The following KAZN variants were observed in gnomAD, a reference collection of about 807,000 sequenced individuals.
KAZN encodes the protein kazrin.
A neutral mutation model predicts 87.4 loss-of-function variants in KAZN; 40 were observed. The observed-to-expected ratio is 0.46, with a 90% CI of 0.36 to 0.60. KAZN has a LOEUF of 0.60. KAZN is among the 20% of genes least tolerant of loss of function. KAZN has a pLI of 0.00. For missense variants in KAZN, 898 were observed against 1,073.9 expected (o/e 0.84, Z 2.29); for synonymous variants, 466 against 458.3 (o/e 1.02, Z -0.22).
rs1571483090 is a variant in KAZN at position 14,387,251 on chromosome 1, G to C, written c.249+206659G>C. Among the ~76,000 whole-genome samples the C allele has an allele frequency of 4.6e-5, 7 of 152,128 alleles. No individual in the cohort carries two copies. The East Asian group carries it at 1.4e-3, about 30-fold the overall frequency. On this transcript the variant is annotated intron_variant, in intron 2 of 16. Transcript: ENST00000636203. The stretch of plus-strand genomic sequence containing the variant: ...CAAAGTTTTCAACTTCTTTGCCCTT[G>C]GTTTGAATGTCCTCCCGTAGGTCAG...
At chr1:14,338,532 A>G (rs1029124955) in intron 2 of KAZN, among the ~76,000 whole-genome samples, 6 of 151,558 alleles carry the variant, frequency 4.0e-5, no homozygotes, top group African/African-American at 1.5e-4. Flanking sequence ...GAGAGAGAGA[A>G]AAGAAAACAT....
At chr1:14,051,554 A>G (rs1339565228) in intron 1 of KAZN, among the ~76,000 whole-genome samples, 1 of 152,234 alleles carries the variant, frequency 6.6e-6, no homozygotes, top group East Asian at 1.9e-4. Flanking sequence ...AAGTCTGACT[A>G]AGAATGGCTG....
intron 2 of KAZN, among the ~76,000 whole-genome samples, chr1:14,269,201 G>T (rs1419666059): frequency 1.3e-5 from 2 of 152,046 alleles, no homozygotes; most frequent in African/African-American, 2.4e-5. Flanking sequence ...CAATTTCATG[G>T]TTTTCCAAAG....
chr1:14,727,450 C>CTTTTTTT lies in KAZN; in HGVS notation c.226+128267_226+128273dup, dbSNP rs57203868. 6.9e-4 allele frequency among the ~76,000 whole-genome samples: 51 copies of CTTTTTTT among 73,896 alleles called. 1 individual carries two copies. The highest frequency in any genetic ancestry group is 9.5e-4 in the Non-Finnish European group (37 of 38,982). The allele number at this position is 73,896 out of a possible 152,430, so 48.5% of individuals were successfully genotyped here. A position where few individuals can be genotyped will look rare whatever the true frequency, so the allele number is the denominator to read the frequency against. On this transcript the variant is annotated intron_variant, in intron 1 of 14. Transcript: ENST00000376030. ...GTCCATCACATTTATTGTGCACTTT[C>CTTTTTTT]TTTTTTTTTTTTTTTTTTTTTTTTT...
At chr1:14,318,072 C>T (rs1329981718) in intron 2 of KAZN, among the ~76,000 whole-genome samples, 4 of 151,912 alleles carry the variant, frequency 2.6e-5, no homozygotes, top group Admixed American at 6.6e-5. Context: ...TGTTATCAAC[C>T]TCCTGATACC....
intron 4 of KAZN, among the ~76,000 whole-genome samples, chr1:15,049,102 G>A (rs1044351622): frequency 1.2e-4 from 8 of 68,692 alleles, no homozygotes; most frequent in Non-Finnish European, 1.5e-4. Flanking sequence ...CGGCTTTGCC[G>A]GGAGGCTTTT....
At chr1:14,043,977 C>T (rs1006714050) in intron 1 of KAZN, among the ~76,000 whole-genome samples, 2 of 152,142 alleles carry the variant, frequency 1.3e-5, no homozygotes, top group Non-Finnish European at 2.9e-5. Context: ...TCAGCTGGGC[C>T]ATTCTCCCTT....
chr1:14,928,916 T>C (rs1659481282), intron 1 of KAZN, among the ~76,000 whole-genome samples: 2 of 152,212 alleles, frequency 1.3e-5, no homozygotes, highest in Non-Finnish European at 2.9e-5. Flanking sequence ...GGACTGAACT[T>C]TATCCTTCTG....
intron 1 of KAZN, among the ~76,000 whole-genome samples, chr1:14,931,146 G>A (rs1659765401): frequency 6.6e-6 from 1 of 152,104 alleles, no homozygotes; most frequent in Admixed American, 6.6e-5. Context: ...CCTTAGAAAA[G>A]GTATGGGAGG....
chr1:13,963,417 G>T (rs555114546), intron 1 of KAZN, among the ~76,000 whole-genome samples: 1 of 152,202 alleles, frequency 6.6e-6, no homozygotes, highest in Non-Finnish European at 1.5e-5. Context: ...CTCTAGCTAC[G>T]TTGCTGGCTG....
intron 2 of KAZN, among the ~76,000 whole-genome samples, chr1:14,552,340 C>T (rs1474044473): frequency 6.6e-6 from 1 of 152,188 alleles, no homozygotes; most frequent in Non-Finnish European, 1.5e-5. Context: ...CCACGGAGAG[C>T]GGCCCAGGCA....
chr1:14,922,417 T>C (rs926413352), intron 1 of KAZN, among the ~76,000 whole-genome samples: 2 of 152,186 alleles, frequency 1.3e-5, no homozygotes, highest in African/African-American at 4.8e-5. Context: ...ATTCCCAGCA[T>C]CTCTGGTCAC....
intron 1 of KAZN, among the ~76,000 whole-genome samples, chr1:14,148,293 A>G (rs763004920): frequency 6.6e-6 from 1 of 151,996 alleles, no homozygotes; most frequent in South Asian, 2.1e-4. Flanking sequence ...TTCTCCTCTC[A>G]TCCCTGTTCT....
intron 2 of KAZN, among the ~76,000 whole-genome samples, chr1:14,967,347 C>T (rs1197478872): frequency 1.3e-5 from 2 of 152,300 alleles, no homozygotes; most frequent in African/African-American, 4.8e-5. Context: ...CCCCCAGCCT[C>T]CAGATGGTCA....
At chr1:13,962,189 G>A (rs553074196) in intron 1 of KAZN, among the ~76,000 whole-genome samples, 15 of 152,240 alleles carry the variant, frequency 9.9e-5, no homozygotes, top group African/African-American at 2.6e-4. Flanking sequence ...AGCCTGTGCC[G>A]GGGCTCTGGG....
intron 13 of KAZN, among the ~76,000 whole-genome samples, chr1:15,109,330 C>A (rs1189047866): frequency 1.3e-5 from 2 of 152,144 alleles, no homozygotes; most frequent in African/African-American, 4.8e-5. Flanking sequence ...GATTGCACCA[C>A]TGCACTCCAG....
chr1:13,977,004 A>C (rs1210588752), intron 1 of KAZN, among the ~76,000 whole-genome samples: 1 of 152,196 alleles, frequency 6.6e-6, no homozygotes, highest in Non-Finnish European at 1.5e-5. Flanking sequence ...CAATTCATCC[A>C]AGGTTGAGTT....
chr1:14,025,826 C>G (rs1361359661), intron 1 of KAZN, among the ~76,000 whole-genome samples: 1 of 152,150 alleles, frequency 6.6e-6, no homozygotes, highest in Non-Finnish European at 1.5e-5. Flanking sequence ...TCCATTCTTA[C>G]CTCCCCAGTG....
intron 1 of KAZN, among the ~76,000 whole-genome samples, chr1:14,637,845 G>A (rs1680111176): frequency 6.6e-6 from 1 of 152,024 alleles, no homozygotes; most frequent in Admixed American, 6.6e-5. Flanking sequence ...CTACAAACTG[G>A]GAGGCTTCAA....
Sources: gnomAD v4.1 joint callset for allele counts (sites outside exome capture counted in the v4.1 genomes callset) on GRCh38, gnomAD v4.1.1 for gene constraint, MANE v1.5 for transcripts, NCBI Gene and HGNC (gene_info 2026-07-23, HGNC 2026-07-21) for gene names.